The following RHOF variants were observed in gnomAD, a reference collection of about 807,000 sequenced individuals.
RHOF encodes ras homolog family member F, filopodia associated.
In RHOF, 21 loss-of-function variants were observed where a neutral mutation model predicts 22.2. The ratio of observed to expected loss-of-function variants is 0.95; its 90% CI spans 0.67 to 1.36. RHOF has a LOEUF of 1.36. RHOF is among the 40% of genes most tolerant of loss of function. The probability of loss-of-function intolerance (pLI) is 0.00; values close to 1 mark genes in which losing one functional copy is unlikely to be tolerated. For synonymous variants in RHOF, 135 were observed against 131.2 expected, an observed-to-expected ratio of 1.03 and a Z score of -0.20; for missense variants, 285 against 293.7, an observed-to-expected ratio of 0.97 and a Z score of 0.22.
Position 121,779,477 on chromosome 12 carries a change from G to T in RHOF, c.*21C>A, listed in dbSNP as rs757496655. ...GCCCCCGGGCCCTGTCAGTGCTGTC[G>T]TGAGGTCTGTCTGCCCTGGGTCAGA... On this transcript the variant is annotated 3_prime_UTR_variant, in exon 5 of 5. Transcript: ENST00000267205. The T allele has an allele frequency of 6.2e-7, 1 of 1,608,718 alleles. No homozygotes were observed.
intron 2 of RHOF, 64 bp downstream of exon 2, chr12:121,793,087 GC>G (rs1460559907): frequency 7.2e-7 from 1 of 1,379,510 alleles, no homozygotes; most frequent in Admixed American, 2.0e-5. Flanking sequence ...AGTGGGGGAC[GC>G]CCGGGAGGGG....
At chr12:121,790,097 C>A (rs969591527) in intron 2 of RHOF, among the ~76,000 whole-genome samples, 3 of 152,254 alleles carry the variant, frequency 2.0e-5, no homozygotes, top group African/African-American at 7.2e-5. Flanking sequence ...CCCCGTCACC[C>A]GATCTGCCCT....
chr12:121,780,903 GC>G lies in RHOF; in HGVS notation c.439del (p.Ala147ProfsTer13). 2 of 1,613,808 alleles carry G rather than the reference GC, an allele frequency of 1.2e-6. No individual in the cohort carries two copies. Among genetic ancestry groups the G allele is most frequent in the Non-Finnish European group, 8.5e-7 (1 of 1,179,926 alleles). ...KDKEQLRKLR[A>X]AQLEPITYMQ... ...GTAGGTGATGGGCTCCAGCTGGGCG[GC>G]CCGGAGCTTCCGCAGCTGCTCCTTG... On this transcript the variant is annotated frameshift_variant, in exon 4 of 5. Transcript: ENST00000267205. LOFTEE classifies it high-confidence loss of function.
intron 2 of RHOF, among the ~76,000 whole-genome samples, chr12:121,788,774 T>C (rs1300718994): frequency 6.6e-6 from 1 of 151,742 alleles, no homozygotes; most frequent in African/African-American, 2.4e-5. Context: ...AGGCAATGCT[T>C]AGAGCGGGAG....
intron 2 of RHOF, among the ~76,000 whole-genome samples, chr12:121,788,580 A>G (rs1177360749): frequency 6.6e-6 from 1 of 152,090 alleles, no homozygotes; most frequent in Non-Finnish European, 1.5e-5. Flanking sequence ...CTCTCATATG[A>G]GTCAGGAGGG....
intron 2 of RHOF, 31 bp from the exon 3 acceptor site, chr12:121,781,223 A>G (rs749784411): frequency 9.4e-6 from 15 of 1,597,188 alleles, no homozygotes; most frequent in Non-Finnish European, 1.3e-5. Flanking sequence ...GGGTCAGGGG[A>G]CGTCCCCTCC....
At chr12:121,790,169 C>T (rs866784169) in intron 2 of RHOF, among the ~76,000 whole-genome samples, 4 of 152,250 alleles carry the variant, frequency 2.6e-5, no homozygotes, top group Non-Finnish European at 5.9e-5. Context: ...GGGCCTTCCA[C>T]GAGGGCCCCT....
chr12:121,790,028 G>A (rs978530027), intron 2 of RHOF, among the ~76,000 whole-genome samples: 5 of 152,224 alleles, frequency 3.3e-5, no homozygotes, highest in African/African-American at 7.2e-5. Flanking sequence ...GGGCCCCGGT[G>A]AGGCCGACAG....
At chr12:121,788,292 C>T (rs1189459098) in intron 2 of RHOF, among the ~76,000 whole-genome samples, 3 of 152,114 alleles carry the variant, frequency 2.0e-5, no homozygotes, top group African/African-American at 7.2e-5. Flanking sequence ...AAGGAATCCT[C>T]ACCCTACTTG....
At chr12:121,793,287 C>G (rs1361054002) in intron 1 of RHOF, 48 bp from the exon 2 acceptor site, 1 of 1,515,282 alleles carries the variant, frequency 6.6e-7, no homozygotes, top group Admixed American at 2.0e-5. Flanking sequence ...CGGCGGGGGC[C>G]AAAGTTCCAG....
At chr12:121,784,565 A>G (rs1392485794) in intron 2 of RHOF, among the ~76,000 whole-genome samples, 2 of 151,964 alleles carry the variant, frequency 1.3e-5, no homozygotes, top group Non-Finnish European at 2.9e-5. Context: ...AAAAAGAAAA[A>G]AAAATCCTTA....
intron 2 of RHOF, among the ~76,000 whole-genome samples, chr12:121,784,144 T>C (rs1430608990): frequency 2.6e-5 from 4 of 152,066 alleles, no homozygotes; most frequent in Non-Finnish European, 5.9e-5. Flanking sequence ...AGATTAACCA[T>C]CTATATTTTT....
chr12:121,792,897 G>C (rs904756586), intron 2 of RHOF, among the ~76,000 whole-genome samples: 49 of 152,238 alleles, frequency 3.2e-4, no homozygotes, highest in African/African-American at 1.2e-3. Flanking sequence ...GGAGAGGAAC[G>C]AGCTGTGGGC....
At chr12:121,787,786 C>A (rs1874646138) in intron 2 of RHOF, among the ~76,000 whole-genome samples, 1 of 151,682 alleles carries the variant, frequency 6.6e-6, no homozygotes, top group Non-Finnish European at 1.5e-5. Flanking sequence ...CCTGTAATCC[C>A]AGCTACTTGG....
chr12:121,788,059 C>G (rs1874658176), intron 2 of RHOF, among the ~76,000 whole-genome samples: 1 of 152,056 alleles, frequency 6.6e-6, no homozygotes, highest in Non-Finnish European at 1.5e-5. Flanking sequence ...CACTGTGTTA[C>G]ATGCCAGGTC....
chr12:121,784,083 C>G (rs1410195007), intron 2 of RHOF, among the ~76,000 whole-genome samples: 1 of 152,182 alleles, frequency 6.6e-6, no homozygotes, highest in Non-Finnish European at 1.5e-5. Flanking sequence ...AGGTCCTTCC[C>G]TCATTTCTCT....
chr12:121,787,280 T>A (rs1341266096), intron 2 of RHOF, among the ~76,000 whole-genome samples: 1 of 152,152 alleles, frequency 6.6e-6, no homozygotes, highest in East Asian at 1.9e-4. Flanking sequence ...CTTCCTGACC[T>A]GTGTTCATTC....
intron 2 of RHOF, among the ~76,000 whole-genome samples, chr12:121,790,694 G>C (rs1221152043): frequency 6.6e-6 from 1 of 152,140 alleles, no homozygotes; most frequent in Admixed American, 6.5e-5. Flanking sequence ...GTCAGACTGT[G>C]AGGCTAGCCA....
intron 2 of RHOF, among the ~76,000 whole-genome samples, chr12:121,788,780 G>A (rs757661438): frequency 8.5e-5 from 13 of 152,164 alleles, no homozygotes; most frequent in African/African-American, 1.2e-4. Flanking sequence ...TGCTTAGAGC[G>A]GGAGCAGTGC....
Sources: gnomAD v4.1 joint callset for allele counts (sites outside exome capture counted in the v4.1 genomes callset) on GRCh38, gnomAD v4.1.1 for gene constraint, MANE v1.5 for transcripts, NCBI Gene and HGNC (gene_info 2026-07-23, HGNC 2026-07-21) for gene names.